HSD17B3: variants seen among roughly 807,000 people sequenced by gnomAD.
The protein encoded by HSD17B3 is hydroxysteroid 17-beta dehydrogenase 3.
Under a neutral mutation model 41.1 loss-of-function variants are expected in HSD17B3, and 29 were observed. The ratio of observed to expected loss-of-function variants is 0.71; its 90% CI spans 0.53 to 0.96. The LOEUF (loss-of-function observed/expected upper bound fraction) is 0.96. Ranked by LOEUF, HSD17B3 falls within the 40% of genes least tolerant of loss-of-function variation. HSD17B3 has a pLI of 0.00. For missense variants in HSD17B3, 323 were observed against 374.6 expected (o/e 0.86, Z 1.14); for synonymous variants, 126 against 145.6 (o/e 0.87, Z 0.97).
Position 96,255,367 on chromosome 9 carries a change from C to CTTTTTTT in HSD17B3, c.202-431_202-425dup, listed in dbSNP as rs869145717. ...AAGCAGTGTTTCTGCCCCAACATTT[C>CTTTTTTT]TTTTTTTTTTTTTTTTTTTTTTTTT... On this transcript the variant is annotated intron_variant, in intron 2 of 10. Coordinates refer to ENST00000375263, the MANE Select transcript of HSD17B3 (RefSeq NM_000197.2). Among the ~76,000 whole-genome samples, 68 of 54,566 alleles carry CTTTTTTT rather than the reference C, an allele frequency of 1.2e-3. 12 individuals are homozygous for CTTTTTTT. The highest frequency in any genetic ancestry group is 0.026 in the Middle Eastern group (2 of 76). The allele number at this position is 54,566 out of a possible 152,430, so 35.8% of individuals were successfully genotyped here. A position where few individuals can be genotyped will look rare whatever the true frequency, so the allele number is the denominator to read the frequency against.
intron 2 of HSD17B3, among the ~76,000 whole-genome samples, chr9:96,274,177 G>A (rs979265685): frequency 6.6e-5 from 10 of 152,100 alleles, no homozygotes; most frequent in African/African-American, 2.4e-4. Context: ...GGTGGCTAAT[G>A]CCTGTAATCC....
intron 3 of HSD17B3, among the ~76,000 whole-genome samples, chr9:96,253,564 C>T (rs1004950210): frequency 1.3e-5 from 2 of 152,160 alleles, no homozygotes; most frequent in African/African-American, 2.4e-5. Context: ...AGCTAACTGA[C>T]GTAGCCAAGA....
In HSD17B3 at chr9:96,301,937, G is replaced by C. The variant is rs201767176; in HGVS notation, c.154+14C>G. ...AACAGCAGCAAAAAAACATGAGATG[G>C]AACACTCCCTTACCTGCCCACTGTC... is the stretch of plus-strand genomic sequence containing the variant. On this transcript the variant is annotated intron_variant, in intron 1 of 10. Coordinates refer to ENST00000375263, the MANE Select transcript of HSD17B3 (RefSeq NM_000197.2). The C allele has an allele frequency of 3.7e-6, 6 of 1,613,384 alleles. No individual in the cohort carries two copies. The Admixed American group carries it at 1.0e-4, about 27-fold the overall frequency.
chr9:96,240,956 A>G (rs779910747), intron 9 of HSD17B3, 49 bp from the exon 10 acceptor site: 12 of 1,609,968 alleles, frequency 7.5e-6, no homozygotes, highest in African/African-American at 1.3e-5. Context: ...CACCCCAGGA[A>G]GAAGACTCAG....
At chr9:96,262,757 A>T (rs905154300) in intron 2 of HSD17B3, among the ~76,000 whole-genome samples, 11 of 152,070 alleles carry the variant, frequency 7.2e-5, no homozygotes, top group Non-Finnish European at 1.5e-4. Flanking sequence ...TCTTGTCTTG[A>T]ATTATATTTT....
rs866055357 is a variant in HSD17B3 at position 96,246,712 on chromosome 9, C to G, written c.490-122G>C. On this transcript the variant is annotated intron_variant, in intron 6 of 10. Transcript: ENST00000375263. ...GAAAGAGCCTCATCTTCTCAGACGG[C>G]CTTGAAAATTGCTGGCACTCATTGG... is the stretch of plus-strand genomic sequence containing the variant. The G allele has an allele frequency of 5.6e-5, 49 of 873,982 alleles. No individual in the cohort carries two copies. In the Middle Eastern group the frequency reaches 2.1e-3, roughly 38 times the overall value. 54.1% of individuals were successfully genotyped at this position (873,982 alleles called of 1,614,324 possible). A position where few individuals can be genotyped will look rare whatever the true frequency, so the allele number is the denominator to read the frequency against.
At position 96,254,867 on chromosome 9, in the gene HSD17B3, C is replaced by A. The variant is rs1231187076; in HGVS notation, c.277+1G>T. On this transcript the variant is annotated splice_donor_variant, in intron 3 of 10. Coordinates refer to ENST00000375263, the MANE Select transcript of HSD17B3 (RefSeq NM_000197.2). LOFTEE classifies it high-confidence loss of function. ...TCTCCCTTATTTGGGGGGTCACTCA[C>A]CGATCTCTGTGGCAATGGCCTCTAG... The A allele has an allele frequency of 6.2e-7, 1 of 1,613,626 alleles. No homozygotes were observed. Among genetic ancestry groups the A allele is most frequent in the Non-Finnish European group, 8.5e-7 (1 of 1,179,600 alleles).
rs529937876 is a variant in HSD17B3 at position 96,249,894 on chromosome 9, C to T, written c.454-108G>A. On this transcript the variant is annotated intron_variant, in intron 5 of 10. Coordinates refer to ENST00000375263, the MANE Select transcript of HSD17B3 (RefSeq NM_000197.2). ...AAGTGGGCAAAAGTGCATGTCTGAA[C>T]GGTTTCATCACTCACCCTGCAAATT... is the stretch of plus-strand genomic sequence containing the variant. The T allele has an allele frequency of 2.8e-5, 45 of 1,597,068 alleles. No homozygotes were observed. The African/African-American group carries it at 3.6e-4, about 13-fold the overall frequency.
At chr9:96,236,482 A>C (rs1836242636) in intron 10 of HSD17B3, among the ~76,000 whole-genome samples, 1 of 151,448 alleles carries the variant, frequency 6.6e-6, no homozygotes, top group Non-Finnish European at 1.5e-5. Context: ...ACAGCATTGC[A>C]CTCCAGCCTG....
chr9:96,264,162 A>AT (rs1218748442), intron 2 of HSD17B3, among the ~76,000 whole-genome samples: 2 of 152,130 alleles, frequency 1.3e-5, no homozygotes, highest in Non-Finnish European at 2.9e-5. Context: ...AAGAATAGGC[A>AT]TTTTTTGCAA....
chr9:96,269,729 C>A (rs1826168241), intron 2 of HSD17B3, among the ~76,000 whole-genome samples: 1 of 151,806 alleles, frequency 6.6e-6, no homozygotes, highest in Admixed American at 6.6e-5. Flanking sequence ...CATAGTGAAA[C>A]CCCGTCTCTA....
chr9:96,241,080 A>C (rs1836423273), intron 9 of HSD17B3, among the ~76,000 whole-genome samples, 173 bp from the exon 10 acceptor site: 1 of 152,152 alleles, frequency 6.6e-6, no homozygotes, highest in Non-Finnish European at 1.5e-5. Context: ...GGGAATCAGA[A>C]ATTTGGTTTC....
chr9:96,278,143 G>A (rs569306146), intron 2 of HSD17B3, among the ~76,000 whole-genome samples: 1 of 152,264 alleles, frequency 6.6e-6, no homozygotes, highest in African/African-American at 2.4e-5. Flanking sequence ...CAGGATGAAT[G>A]AGATCTAGAG....
chr9:96,276,129 A>AAAAAAAAC (rs1564051377), intron 2 of HSD17B3, among the ~76,000 whole-genome samples: 1 of 138,604 alleles, frequency 7.2e-6, no homozygotes. Flanking sequence ...AAAAAAAAAA[A>AAAAAAAAC]AAACAGAAGA....
intron 10 of HSD17B3, among the ~76,000 whole-genome samples, chr9:96,236,588 CCA>C (rs1836247811): frequency 6.6e-6 from 1 of 151,580 alleles, no homozygotes; most frequent in Non-Finnish European, 1.5e-5. Context: ...GAAAGGCTTT[CCA>C]TCATTTGGCA....
chr9:96,282,715 G>A (rs1826744443), intron 2 of HSD17B3, among the ~76,000 whole-genome samples: 4 of 152,294 alleles, frequency 2.6e-5, no homozygotes, highest in East Asian at 1.9e-4. Flanking sequence ...ACATTGTAAC[G>A]TGTAATTAAG....
intron 1 of HSD17B3, among the ~76,000 whole-genome samples, chr9:96,300,035 GT>G (rs530651639): frequency 5.8e-4 from 87 of 151,032 alleles, no homozygotes; most frequent in African/African-American, 2.1e-3. Flanking sequence ...TAGAATGTAG[GT>G]TTTTAGAAGG....
In HSD17B3 at chr9:96,235,628, ATCTTTGTGG is replaced by A. The variant is rs3831056; in HGVS notation, c.823-67_823-59del. 626,461 of 1,336,852 alleles carry A rather than the reference ATCTTTGTGG, an allele frequency of 0.47. 149,529 individuals carry two copies. The highest frequency in any genetic ancestry group is 0.48 in the Non-Finnish European group (456,766 of 941,848). 82.8% of individuals were successfully genotyped at this position (1,336,852 alleles called of 1,614,324 possible). A position where few individuals can be genotyped will look rare whatever the true frequency, so the allele number is the denominator to read the frequency against. On this transcript the variant is annotated intron_variant, in intron 10 of 10. Coordinates refer to ENST00000375263, the MANE Select transcript of HSD17B3 (RefSeq NM_000197.2). ...GAAGGAATAACAAGTACCTCAGTTC[ATCTTTGTGG>A]TCTTTAAAAATATTTTTTTCTGACT...
rs13292483 is a variant in HSD17B3, at chr9:96,269,872, C to A, written c.202-14929G>T. Among the ~76,000 whole-genome samples, 3,585 of 147,718 alleles carry A rather than the reference C, an allele frequency of 0.024. 213 individuals are homozygous for A. The East Asian group carries it at 0.25, about 10-fold the overall frequency. ...TGAGCCAAGATCGTGCCACTGCACT[C>A]CAGCCTGGGTGACAGAGTGAGAATC... On this transcript the variant is annotated intron_variant, in intron 2 of 10. Transcript: ENST00000375263.
Sources: gnomAD v4.1 joint callset for allele counts (sites outside exome capture counted in the v4.1 genomes callset) on GRCh38, gnomAD v4.1.1 for gene constraint, MANE v1.5 for transcripts, NCBI Gene and HGNC (gene_info 2026-07-23, HGNC 2026-07-21) for gene names.